Variants in ACTR3C observed in about 807,000 individuals in gnomAD.
ACTR3C encodes actin-related protein 3C.
Under a neutral mutation model 26.3 loss-of-function variants are expected in ACTR3C, and 18 were observed. That is an observed-to-expected ratio of 0.68 (90% confidence interval 0.47 to 1.01). ACTR3C has a LOEUF of 1.01. Ranked by LOEUF, ACTR3C falls within the 50% of genes least tolerant of loss-of-function variation. The pLI, the probability that ACTR3C is intolerant of heterozygous loss-of-function variation, is 0.00. For missense variants in ACTR3C, 184 were observed against 250.7 expected, an observed-to-expected ratio of 0.73 and a Z score of 1.80; for synonymous variants, 55 against 94.5, an observed-to-expected ratio of 0.58 and a Z score of 2.42.
chr7:149,955,549 G>A, the ACTR3C span, among the ~76,000 whole-genome samples: 1 of 152,104 alleles, frequency 6.6e-6, no homozygotes, highest in African/African-American at 2.4e-5. Context: ...AGTGAGGAAG[G>A]GCGGGGAAAA....
chr7:150,180,296 C>G, the ACTR3C span, among the ~76,000 whole-genome samples: 61 of 150,020 alleles, frequency 4.1e-4, no homozygotes, highest in South Asian at 8.4e-4. Flanking sequence ...CAGAGCGAGA[C>G]TCCATATTAA....
the ACTR3C span, among the ~76,000 whole-genome samples, chr7:149,947,107 A>G: frequency 6.6e-6 from 1 of 151,454 alleles, no homozygotes; most frequent in Non-Finnish European, 1.5e-5. Flanking sequence ...CCTACACATC[A>G]CTGAGTCAGT....
At chr7:149,988,621 T>G in the ACTR3C span, among the ~76,000 whole-genome samples, 4 of 152,198 alleles carry the variant, frequency 2.6e-5, no homozygotes, top group African/African-American at 9.7e-5. Context: ...GCTGAGAGGC[T>G]GGCCTGCCAG....
chr7:150,076,383 T>C, the ACTR3C span, among the ~76,000 whole-genome samples: 1 of 152,210 alleles, frequency 6.6e-6, no homozygotes, highest in Non-Finnish European at 1.5e-5. Context: ...GATGCTCACA[T>C]ATAAATATAT....
chr7:150,117,979 C>T, the ACTR3C span, among the ~76,000 whole-genome samples: 3 of 152,152 alleles, frequency 2.0e-5, no homozygotes, highest in Admixed American at 6.5e-5. Context: ...TCCAGGAGAC[C>T]TGCAGAAGAG....
chr7:150,161,506 T>C, the ACTR3C span, among the ~76,000 whole-genome samples: 3 of 151,942 alleles, frequency 2.0e-5, no homozygotes, highest in South Asian at 6.2e-4. Context: ...AGAATGATGG[T>C]TTCCAGCTTT....
At chr7:150,287,246 A>ATGGG (rs1835856129) in intron 4 of ACTR3C, among the ~76,000 whole-genome samples, 2 of 151,914 alleles carry the variant, frequency 1.3e-5, no homozygotes, top group Non-Finnish European at 2.9e-5. Context: ...TCTAGCTGGG[A>ATGGG]GTCAGAAAAC....
the ACTR3C span, among the ~76,000 whole-genome samples, chr7:149,900,038 TCC>T: frequency 7.8e-6 from 1 of 128,564 alleles, no homozygotes; most frequent in Non-Finnish European, 1.7e-5. Flanking sequence ...AGCAAAAATA[TCC>T]CCTGAGAATA....
At chr7:150,162,153 C>G in the ACTR3C span, among the ~76,000 whole-genome samples, 2 of 152,072 alleles carry the variant, frequency 1.3e-5, no homozygotes, top group Non-Finnish European at 2.9e-5. Flanking sequence ...TGTTAATAAG[C>G]TGAAAGGAAA....
At chr7:150,139,972 G>GCACA in the ACTR3C span, among the ~76,000 whole-genome samples, 2 of 151,558 alleles carry the variant, frequency 1.3e-5, no homozygotes, top group African/African-American at 4.9e-5. Flanking sequence ...ACACAAATAT[G>GCACA]CACACACACA....
chr7:150,230,990 A>G, the ACTR3C span, among the ~76,000 whole-genome samples: 3 of 152,040 alleles, frequency 2.0e-5, no homozygotes, highest in South Asian at 4.1e-4. Context: ...GATATTATCA[A>G]TTTCTGCTCT....
chr7:149,889,244 C>G, the ACTR3C span, among the ~76,000 whole-genome samples: 1 of 152,094 alleles, frequency 6.6e-6, no homozygotes. Context: ...AGATCATGCA[C>G]AGAAACAAAT....
the ACTR3C span, among the ~76,000 whole-genome samples, chr7:150,138,537 G>T: frequency 6.6e-6 from 1 of 152,180 alleles, no homozygotes; most frequent in Non-Finnish European, 1.5e-5. Context: ...ATCCATTCAG[G>T]CTCTTGTAAG....
chr7:149,925,319 A>G, the ACTR3C span, among the ~76,000 whole-genome samples: 1 of 152,228 alleles, frequency 6.6e-6, no homozygotes, highest in Non-Finnish European at 1.5e-5. Context: ...TAAAATCCCA[A>G]TAAAAATGCC....
the ACTR3C span, among the ~76,000 whole-genome samples, chr7:149,958,128 C>T: frequency 6.6e-6 from 1 of 151,958 alleles, no homozygotes; most frequent in Non-Finnish European, 1.5e-5. Context: ...CTTTAATAAA[C>T]CAATCAATTT....
At chr7:149,941,813 G>A in the ACTR3C span, among the ~76,000 whole-genome samples, 2 of 152,162 alleles carry the variant, frequency 1.3e-5, no homozygotes, top group African/African-American at 4.8e-5. Context: ...CTTCTAATGA[G>A]AATGGTATTG....
chr7:150,313,557 C>T (rs560278618), intron 1 of ACTR3C, among the ~76,000 whole-genome samples: 3 of 152,236 alleles, frequency 2.0e-5, no homozygotes, highest in African/African-American at 4.8e-5. Context: ...ATGTTAATTC[C>T]GGTTAGCTCT....
chr7:150,306,237 A>T (rs1435293006), intron 1 of ACTR3C, among the ~76,000 whole-genome samples: 3 of 151,984 alleles, frequency 2.0e-5, no homozygotes, highest in Non-Finnish European at 4.4e-5. Flanking sequence ...TATCTCATGT[A>T]TGCCAGCTAA....
At chr7:149,896,200 A>T in the ACTR3C span, among the ~76,000 whole-genome samples, 1 of 152,276 alleles carries the variant, frequency 6.6e-6, no homozygotes, top group Non-Finnish European at 1.5e-5. Context: ...AAACAAACAA[A>T]GAAAAAACAG....
Sources: gnomAD v4.1 joint callset for allele counts (sites outside exome capture counted in the v4.1 genomes callset) on GRCh38, gnomAD v4.1.1 for gene constraint, MANE v1.5 for transcripts, NCBI Gene and HGNC (gene_info 2026-07-23, HGNC 2026-07-21) for gene names.